The following RLF variants were observed in gnomAD, a reference collection of about 807,000 sequenced individuals.
RLF encodes the protein zinc finger protein Rlf.
A neutral mutation model predicts 162.9 loss-of-function variants in RLF; 7 were observed. The ratio of observed to expected loss-of-function variants is 0.04; its 90% CI spans 0.02 to 0.08. The LOEUF (loss-of-function observed/expected upper bound fraction) is 0.08. Among genes scored for constraint, RLF ranks in the 10% least tolerant of loss-of-function variants. The probability of loss-of-function intolerance (pLI) is 1.00; values close to 1 mark genes in which losing one functional copy is unlikely to be tolerated. For missense variants in RLF, 1,664 were observed against 2,244.7 expected (o/e 0.74, Z 5.23); for synonymous variants, 782 against 791.5 (o/e 0.99, Z 0.20).
At chr1:40,198,927 T>G (rs1642674504) in intron 4 of RLF, among the ~76,000 whole-genome samples, 1 of 152,250 alleles carries the variant, frequency 6.6e-6, no homozygotes, top group South Asian at 2.1e-4. Flanking sequence ...TCAAATGATT[T>G]GTAAAATACA....
In RLF at chr1:40,231,393, T is replaced by C. The variant is rs534622218; in HGVS notation, c.948-124T>C. ...GAAAGCAGTGGTGAATATAGACAGC[T>C]TTTAATCTAGTTTTTGTTTTCTCTA... is the stretch of plus-strand genomic sequence containing the variant. On this transcript the variant is annotated intron_variant, in intron 6 of 7. Transcript: ENST00000372771. 2.4e-5 allele frequency: 18 copies of C among 744,414 alleles called. No individual in the cohort carries two copies. The South Asian group carries it at 3.3e-4, about 13-fold the overall frequency. 46.1% of individuals were successfully genotyped at this position (744,414 alleles called of 1,614,324 possible). A position where few individuals can be genotyped will look rare whatever the true frequency, so the allele number is the denominator to read the frequency against.
intron 7 of RLF, among the ~76,000 whole-genome samples, chr1:40,234,520 T>C (rs548811094): frequency 1.3e-5 from 2 of 152,384 alleles, no homozygotes; most frequent in African/African-American, 4.8e-5. Flanking sequence ...TTTACTCCAT[T>C]ATTTTACATT....
intron 6 of RLF, among the ~76,000 whole-genome samples, chr1:40,228,023 G>T (rs534027361): frequency 6.6e-6 from 1 of 151,912 alleles, no homozygotes; most frequent in Non-Finnish European, 1.5e-5. Flanking sequence ...ATTTATTTGA[G>T]CCTGTAATCC....
chr1:40,182,753 G>GTAGGTAGATAGATAGATAGATAGA (rs144667492), intron 1 of RLF, among the ~76,000 whole-genome samples: 3 of 148,762 alleles, frequency 2.0e-5, no homozygotes, highest in East Asian at 2.0e-4. Flanking sequence ...AGATAGATAG[G>GTAGGTAGATAGATAGATAGATAGA]TAGATAGATA....
chr1:40,163,049 GTGT>G (rs1185426860), intron 1 of RLF, among the ~76,000 whole-genome samples: 1 of 152,182 alleles, frequency 6.6e-6, no homozygotes, highest in Non-Finnish European at 1.5e-5. Context: ...GGAAAAGGAG[GTGT>G]TGTAGAGACA....
intron 4 of RLF, among the ~76,000 whole-genome samples, chr1:40,197,824 T>C (rs1394542162): frequency 2.0e-5 from 3 of 152,202 alleles, no homozygotes; most frequent in African/African-American, 7.2e-5. Context: ...GGTCAAAAGA[T>C]TAAAAAGCTT....
intron 6 of RLF, among the ~76,000 whole-genome samples, chr1:40,229,040 GTA>G (rs1398851598): frequency 1.3e-5 from 2 of 152,126 alleles, no homozygotes; most frequent in Non-Finnish European, 2.9e-5. Flanking sequence ...CTAGCCTCAA[GTA>G]ATCCTCTGCT....
intron 1 of RLF, among the ~76,000 whole-genome samples, chr1:40,184,578 A>C (rs1642446898): frequency 1.3e-5 from 2 of 152,216 alleles, no homozygotes; most frequent in African/African-American, 2.4e-5. Context: ...TGAATAGGAC[A>C]TCCAGATGGA....
At chr1:40,177,073 C>T (rs942533061) in intron 1 of RLF, among the ~76,000 whole-genome samples, 5 of 151,764 alleles carry the variant, frequency 3.3e-5, no homozygotes, top group Admixed American at 1.3e-4. Flanking sequence ...CTGCAACCTC[C>T]GCCTCACAGG....
chr1:40,214,202 C>T (rs1223050194), intron 5 of RLF, among the ~76,000 whole-genome samples: 1 of 152,010 alleles, frequency 6.6e-6, no homozygotes, highest in Admixed American at 6.6e-5. Context: ...AATGGGGTTA[C>T]AAGAATGAAC....
chr1:40,192,081 G>T (rs1458702887), intron 3 of RLF, among the ~76,000 whole-genome samples: 1 of 152,152 alleles, frequency 6.6e-6, no homozygotes, highest in East Asian at 1.9e-4. Context: ...AAAATGAAAT[G>T]ATATAATGTT....
intron 5 of RLF, among the ~76,000 whole-genome samples, chr1:40,203,108 T>G (rs187756131): frequency 0.018 from 2,577 of 141,284 alleles, 34 homozygotes; most frequent in Middle Eastern, 0.049. Flanking sequence ...AAGGGTTGAG[T>G]CTTTTTTTTT....
intron 6 of RLF, among the ~76,000 whole-genome samples, chr1:40,225,825 C>G (rs1390427508): frequency 3.0e-5 from 4 of 134,760 alleles, no homozygotes; most frequent in African/African-American, 1.2e-4. Flanking sequence ...TGCAGTGAGC[C>G]GAGATCGGGC....
At chr1:40,186,539 A>G (rs1642482959) in intron 1 of RLF, among the ~76,000 whole-genome samples, 1 of 152,216 alleles carries the variant, frequency 6.6e-6, no homozygotes, top group African/African-American at 2.4e-5. Context: ...ATTGGTGGCA[A>G]GAGCGTTCTA....
chr1:40,226,489 T>A (rs1643077829), intron 6 of RLF, among the ~76,000 whole-genome samples: 1 of 152,206 alleles, frequency 6.6e-6, no homozygotes, highest in South Asian at 2.1e-4. Context: ...TGTTACACAT[T>A]TGTATTTCTT....
At chr1:40,225,578 C>CAAAAAAAA (rs537934926) in intron 6 of RLF, among the ~76,000 whole-genome samples, 6 of 83,060 alleles carry the variant, frequency 7.2e-5, no homozygotes, top group African/African-American at 2.1e-4. Flanking sequence ...GACTCTGTCT[C>CAAAAAAAA]AAAAAAAAAA....
At chr1:40,230,003 A>G (rs1233809887) in intron 6 of RLF, among the ~76,000 whole-genome samples, 1 of 151,712 alleles carries the variant, frequency 6.6e-6, no homozygotes, top group African/African-American at 2.4e-5. Flanking sequence ...AATCCCAGCT[A>G]CTTGGGAGGC....
At chr1:40,170,867 C>T (rs977569225) in intron 1 of RLF, among the ~76,000 whole-genome samples, 1 of 151,986 alleles carries the variant, frequency 6.6e-6, no homozygotes, top group East Asian at 1.9e-4. Flanking sequence ...ATAGGTAGGC[C>T]GGGATTACTA....
At chr1:40,198,690 T>G (rs1407834225) in intron 4 of RLF, among the ~76,000 whole-genome samples, 7 of 152,186 alleles carry the variant, frequency 4.6e-5, no homozygotes, top group Non-Finnish European at 1.0e-4. Flanking sequence ...TCTGCACCTT[T>G]CTTTTAAATG....
Sources: allele counts gnomAD v4.1 joint callset (sites outside exome capture counted in the v4.1 genomes callset), GRCh38; gene constraint gnomAD v4.1.1; transcripts MANE v1.5; gene names NCBI Gene and HGNC (gene_info 2026-07-23, HGNC 2026-07-21).